MRTFA: variants seen among roughly 807,000 people sequenced by gnomAD.
The protein encoded by MRTFA is myocardin-related transcription factor A.
Under a neutral mutation model 83.5 loss-of-function variants are expected in MRTFA, and 20 were observed. That is an observed-to-expected ratio of 0.24 (90% confidence interval 0.17 to 0.35). MRTFA has a LOEUF of 0.35. Among genes scored for constraint, MRTFA ranks in the 10% least tolerant of loss-of-function variants. The pLI, the probability that MRTFA is intolerant of heterozygous loss-of-function variation, is 1.00. For missense variants in MRTFA, 1,200 were observed against 1,224.7 expected (o/e 0.98, Z 0.30); for synonymous variants, 659 against 541.2 (o/e 1.22, Z -3.02).
chr22:40,607,890 C>A (rs2056337093), intron 1 of MRTFA, among the ~76,000 whole-genome samples: 1 of 152,172 alleles, frequency 6.6e-6, no homozygotes, highest in Non-Finnish European at 1.5e-5. Flanking sequence ...TTAGATGCTT[C>A]TGAGATTTAG....
chr22:40,513,152 G>C (rs3091393), intron 3 of MRTFA, among the ~76,000 whole-genome samples: 83,142 of 152,034 alleles, frequency 0.55, 23,429 homozygotes, highest in East Asian at 0.88. Context: ...AAACTGAGTA[G>C]TCTAAGCCAA....
chr22:40,496,814 A>C (rs2054362866), intron 3 of MRTFA, among the ~76,000 whole-genome samples: 1 of 151,234 alleles, frequency 6.6e-6, no homozygotes, highest in South Asian at 2.1e-4. Context: ...CTTTATAATA[A>C]GCCAAAAATC....
intron 2 of MRTFA, among the ~76,000 whole-genome samples, chr22:40,572,634 T>C (rs2055812389): frequency 6.6e-6 from 1 of 152,190 alleles, no homozygotes; most frequent in South Asian, 2.1e-4. Flanking sequence ...AAGACATACC[T>C]GAGACTGGGA....
chr22:40,545,501 C>T (rs560134240), intron 3 of MRTFA, among the ~76,000 whole-genome samples: 18 of 151,400 alleles, frequency 1.2e-4, no homozygotes, highest in African/African-American at 1.9e-4. Context: ...CGCTATCTCC[C>T]GGCTCACTGC....
intron 5 of MRTFA, chr22:40,433,368 G>C (rs2053107565): frequency 6.6e-6 from 1 of 152,236 alleles, no homozygotes; most frequent in African/African-American, 2.4e-5. Flanking sequence ...TACAGTGGTA[G>C]ATGCCTACAC....
chr22:40,590,680 G>GAAAAAAAAAAAAAA (rs56366993), intron 2 of MRTFA, among the ~76,000 whole-genome samples: 1 of 81,360 alleles, frequency 1.2e-5, no homozygotes, highest in Non-Finnish European at 2.5e-5. Context: ...CTCAAAAAAA[G>GAAAAAAAAAAAAAA]AAAAAAAAAA....
chr22:40,423,234 T>C (rs1431750448), intron 9 of MRTFA, among the ~76,000 whole-genome samples: 1 of 152,222 alleles, frequency 6.6e-6, no homozygotes, highest in East Asian at 1.9e-4. Flanking sequence ...CAGGGCTCTA[T>C]TTCTGCCTTG....
At chr22:40,630,248 G>A (rs1198929031) in intron 1 of MRTFA, among the ~76,000 whole-genome samples, 3 of 151,920 alleles carry the variant, frequency 2.0e-5, no homozygotes, top group Non-Finnish European at 4.4e-5. Context: ...CCTGGGAGGC[G>A]GCAGTTGCAG....
rs776624687 is a variant in MRTFA, at chr22:40,423,585, G to T, written c.878C>A (p.Thr293Asn). 5.0e-6 allele frequency: 8 copies of T among 1,592,240 alleles called. No individual in the cohort carries two copies. Among genetic ancestry groups the T allele is most frequent in the Middle Eastern group, 1.7e-4 (1 of 5,996 alleles). Residue 293 changes from threonine (T) to asparagine (N), a missense_variant, in exon 9 of 15, where the codon ACC becomes AAC. Transcript: ENST00000355630. ...GGCAGTGGGGATAGTGGTTCCATTGGTGAGGCTGGGAGGCAGCAGAGGTGG... is the reference window on the plus strand; with the variant it reads ...GGCAGTGGGGATAGTGGTTCCATTGTTGAGGCTGGGAGGCAGCAGAGGTGG...
chr22:40,612,509 A>G (rs1282764777), intron 1 of MRTFA, among the ~76,000 whole-genome samples: 1 of 152,252 alleles, frequency 6.6e-6, no homozygotes, highest in East Asian at 1.9e-4. Context: ...TTTAGTCCAC[A>G]GAGTATTGAC....
intron 14 of MRTFA, among the ~76,000 whole-genome samples, chr22:40,414,324 C>T (rs1251960882): frequency 6.6e-6 from 1 of 152,082 alleles, no homozygotes; most frequent in African/African-American, 2.4e-5. Context: ...ATCTGGGCAA[C>T]AGACTCCGTC....
chr22:40,500,680 G>A (rs896389330), intron 3 of MRTFA, among the ~76,000 whole-genome samples: 5 of 151,042 alleles, frequency 3.3e-5, no homozygotes, highest in Non-Finnish European at 7.4e-5. Context: ...AGTGGACACA[G>A]CACATGTTTC....
chr22:40,421,363 C>A (rs945108073), intron 9 of MRTFA, among the ~76,000 whole-genome samples: 5 of 152,150 alleles, frequency 3.3e-5, no homozygotes, highest in Non-Finnish European at 5.9e-5. Context: ...AAAGACATCA[C>A]CATGACCCCA....
At chr22:40,489,591 G>A (rs2054236494) in intron 3 of MRTFA, among the ~76,000 whole-genome samples, 1 of 151,990 alleles carries the variant, frequency 6.6e-6, no homozygotes, top group African/African-American at 2.4e-5. Context: ...TGGGATTACA[G>A]GCATGAGCCA....
At position 40,520,253 on chromosome 22, in the gene MRTFA, C is replaced by T. The variant is rs1380510309; in HGVS notation, c.241+31853G>A. Among the ~76,000 whole-genome samples, 3 of 152,146 alleles carry T rather than the reference C, an allele frequency of 2.0e-5. No individual in the cohort carries two copies. The East Asian group carries it at 5.8e-4, about 29-fold the overall frequency. ...TGCATAATTCCATAGTTTATCGCAA[C>T]TAATTCCAGAACATTTTCATTGCCC... is the stretch of plus-strand genomic sequence containing the variant. On this transcript the variant is annotated intron_variant, in intron 3 of 14. Transcript: ENST00000355630.
chr22:40,538,741 AT>A (rs971063483), intron 3 of MRTFA, among the ~76,000 whole-genome samples: 14 of 152,140 alleles, frequency 9.2e-5, no homozygotes, highest in African/African-American at 3.4e-4. Context: ...CAGTTCCATT[AT>A]TTTTTGTGCA....
In MRTFA at chr22:40,419,106, A is replaced by C. The variant is rs769283239; in HGVS notation, c.1632T>G (p.Phe544Leu). Residue 544 changes from phenylalanine (F) to leucine (L), a missense_variant, in exon 12 of 15, where the codon TTT becomes TTG. Phe to Leu is a conservative substitution (Grantham distance 22). This residue lies in a region of MRTFA where 1,107 missense variants were observed against 1,041.8 expected (regional missense o/e 1.06). Coordinates refer to ENST00000355630, the MANE Select transcript of MRTFA (RefSeq NM_020831.6). ...CGGGGGGCGTGGAGCCCGTGCTGCC[A>C]AACTTCACCACCCCACTGCTGGCCA... The C allele has an allele frequency of 2.5e-6, 4 of 1,595,222 alleles. No homozygotes were observed. Among genetic ancestry groups the C allele is most frequent in the African/African-American group, 2.7e-5 (2 of 74,238 alleles).
intron 14 of MRTFA, among the ~76,000 whole-genome samples, chr22:40,414,111 G>A (rs911208481): frequency 2.0e-5 from 3 of 152,172 alleles, no homozygotes; most frequent in Non-Finnish European, 2.9e-5. Context: ...GGCCGAGGCG[G>A]GCAGACTGCC....
intron 2 of MRTFA, among the ~76,000 whole-genome samples, chr22:40,576,686 T>C (rs546320610): frequency 1.3e-5 from 2 of 152,290 alleles, no homozygotes; most frequent in South Asian, 4.1e-4. Flanking sequence ...CAGATATCTA[T>C]CTTCAATATG....
Sources: gnomAD v4.1 joint callset for allele counts (sites outside exome capture counted in the v4.1 genomes callset) on GRCh38, gnomAD v4.1.1 for gene constraint, gnomAD v4.1.1 regional missense constraint, MANE v1.5 for transcripts, NCBI Gene and HGNC (gene_info 2026-07-23, HGNC 2026-07-21) for gene names.